The following PCDHA9 variants were observed in gnomAD, a reference collection of about 807,000 sequenced individuals.
The protein encoded by PCDHA9 is protocadherin alpha 9.
A neutral mutation model predicts 62.0 loss-of-function variants in PCDHA9; 62 were observed. The observed-to-expected ratio is 1.00, with a 90% CI of 0.81 to 1.23. The LOEUF is 1.23. Among genes scored for constraint, PCDHA9 ranks in the 50% most tolerant of loss-of-function variants. The pLI, the probability that PCDHA9 is intolerant of heterozygous loss-of-function variation, is 0.00. For missense variants in PCDHA9, 1,205 were observed against 1,249.8 expected (o/e 0.96, Z 0.54); for synonymous variants, 557 against 567.6 (o/e 0.98, Z 0.27).
intron 1 of PCDHA9, among the ~76,000 whole-genome samples, chr5:140,949,308 G>T (rs1323575169): frequency 6.6e-6 from 1 of 151,722 alleles, no homozygotes; most frequent in African/African-American, 2.4e-5. Flanking sequence ...TGGGTGTAAT[G>T]ATTTATAAAT....
chr5:140,927,290 T>A (rs1563090312), intron 1 of PCDHA9: 2 of 1,614,054 alleles, frequency 1.2e-6, no homozygotes, highest in Admixed American at 1.7e-5. Context: ...CAGCTGCACA[T>A]CCCCGAGTTC....
chr5:140,962,855 G>A (rs556272423), intron 1 of PCDHA9, among the ~76,000 whole-genome samples: 286 of 152,196 alleles, frequency 1.9e-3, no homozygotes, highest in Admixed American at 3.8e-3. Context: ...CTTGTGCTCG[G>A]TTTGTAGAGC....
intron 1 of PCDHA9, among the ~76,000 whole-genome samples, chr5:140,888,353 A>G (rs907810387): frequency 1.9e-4 from 29 of 152,220 alleles, no homozygotes; most frequent in African/African-American, 6.8e-4. Context: ...GGGAATTGCT[A>G]CTGGCATCTA....
At chr5:140,989,329 C>A (rs1554250749) in intron 3 of PCDHA9, among the ~76,000 whole-genome samples, 2 of 152,120 alleles carry the variant, frequency 1.3e-5, no homozygotes, top group African/African-American at 4.8e-5. Context: ...AACTTTGCCA[C>A]CTGACTCAGC....
chr5:140,997,565 A>T (rs552009994), intron 3 of PCDHA9, among the ~76,000 whole-genome samples: 1 of 152,174 alleles, frequency 6.6e-6, no homozygotes, highest in Non-Finnish European at 1.5e-5. Context: ...CAACTGTCAT[A>T]TGTGTGGTCC....
chr5:141,010,225 C>T lies in PCDHA9; in HGVS notation c.*288C>T. The T allele has an allele frequency of 6.4e-7, 1 of 1,551,848 alleles. No homozygotes were observed. The highest frequency in any genetic ancestry group is 8.7e-7 in the Non-Finnish European group (1 of 1,147,026). The stretch of plus-strand genomic sequence containing the variant: ...CCGCCGCAAAGGAGAGGCTTCCCAG[C>T]CCCGCCAGTGAGAGGTTGGACTCTC... On this transcript the variant is annotated 3_prime_UTR_variant, in exon 4 of 4. Coordinates refer to ENST00000532602, the MANE Select transcript of PCDHA9 (RefSeq NM_031857.2).
At chr5:140,975,120 C>CT (rs140169299) in intron 1 of PCDHA9, among the ~76,000 whole-genome samples, 5 of 152,258 alleles carry the variant, frequency 3.3e-5, no homozygotes, top group African/African-American at 1.2e-4. Flanking sequence ...TGTTTTCCTA[C>CT]TTACTATTGG....
intron 1 of PCDHA9, among the ~76,000 whole-genome samples, chr5:140,902,520 T>C (rs1350068201): frequency 6.6e-6 from 1 of 152,116 alleles, no homozygotes; most frequent in Non-Finnish European, 1.5e-5. Context: ...TATATGGTTT[T>C]TATTATGTTG....
intron 1 of PCDHA9, chr5:140,929,617 A>C: frequency 2.5e-6 from 1 of 401,992 alleles, no homozygotes; most frequent in Non-Finnish European, 4.5e-6. Context: ...AAATACCAAA[A>C]TATTTTATAA....
Position 140,856,390 on chromosome 5 carries a change from G to A in PCDHA9, c.2394+5501G>A, listed in dbSNP as rs2043967931. On this transcript the variant is annotated intron_variant, in intron 1 of 3. Coordinates refer to ENST00000532602, the MANE Select transcript of PCDHA9 (RefSeq NM_031857.2). ...AGGTGATCGTGGACAGGCCGCTGCA[G>A]GTTTTCCATGTGGACGTGGAAGTGA... is the stretch of plus-strand genomic sequence containing the variant. 3 of 1,598,440 alleles carry A rather than the reference G, an allele frequency of 1.9e-6. 1 individual carries two copies. The highest frequency in any genetic ancestry group is 2.6e-6 in the Non-Finnish European group (3 of 1,167,994).
At chr5:141,004,213 GGTCA>G (rs3842022) in intron 3 of PCDHA9, among the ~76,000 whole-genome samples, 2 of 152,208 alleles carry the variant, frequency 1.3e-5, no homozygotes, top group East Asian at 3.8e-4. Context: ...CAGATTAGGA[GGTCA>G]GTCAGTGTTT....
chr5:140,986,736 A>C (rs1056820843), intron 3 of PCDHA9, among the ~76,000 whole-genome samples: 1 of 152,206 alleles, frequency 6.6e-6, no homozygotes, highest in South Asian at 2.1e-4. Context: ...TCAAGACCCC[A>C]GGGGATCTGG....
intron 1 of PCDHA9, among the ~76,000 whole-genome samples, chr5:140,873,178 T>C (rs2054146585): frequency 6.6e-6 from 1 of 152,190 alleles, no homozygotes; most frequent in Non-Finnish European, 1.5e-5. Context: ...TTTTGTATCA[T>C]AATATTCATT....
chr5:140,946,142 CAAAT>C (rs1214309556), intron 1 of PCDHA9, among the ~76,000 whole-genome samples: 1 of 151,910 alleles, frequency 6.6e-6, no homozygotes, highest in Non-Finnish European at 1.5e-5. Context: ...AGTAAGAAAA[CAAAT>C]AACACGATTT....
Position 140,852,727 on chromosome 5 carries a change from G to A in PCDHA9, c.2394+1838G>A, listed in dbSNP as rs1395858951. 8.1e-6 allele frequency: 8 copies of A among 983,412 alleles called. 1 individual carries two copies. The South Asian group carries it at 2.9e-4, about 35-fold the overall frequency. The allele number at this position is 983,412 out of a possible 1,614,324, so 60.9% of individuals were successfully genotyped here. The stretch of plus-strand genomic sequence containing the variant: ...ATCTTTGTCTTTGCACGTTTTTCAA[G>A]TTTCATGTGCCATTTAAACTTGGAC... On this transcript the variant is annotated intron_variant, in intron 1 of 3. Transcript: ENST00000532602.
intron 1 of PCDHA9, chr5:140,926,324 G>A (rs574950381): frequency 6.6e-6 from 1 of 152,268 alleles, no homozygotes; most frequent in Non-Finnish European, 1.5e-5. Flanking sequence ...GTGCGCCGGG[G>A]TCAGAGCGCC....
intron 1 of PCDHA9, among the ~76,000 whole-genome samples, chr5:140,950,918 G>C (rs1229704497): frequency 6.6e-6 from 1 of 151,584 alleles, no homozygotes; most frequent in African/African-American, 2.4e-5. Context: ...TTTTATTTCA[G>C]TTCTTTTTCT....
intron 1 of PCDHA9, among the ~76,000 whole-genome samples, chr5:140,952,745 A>G (rs1554220592): frequency 6.6e-6 from 1 of 152,220 alleles, no homozygotes; most frequent in African/African-American, 2.4e-5. Context: ...TCACACTGCT[A>G]TAAAAACACC....
chr5:140,918,175 CT>C (rs1429626043), intron 1 of PCDHA9, among the ~76,000 whole-genome samples: 2 of 152,076 alleles, frequency 1.3e-5, no homozygotes, highest in Non-Finnish European at 2.9e-5. Context: ...GCATTGTGTT[CT>C]TGATTTGGCC....
Sources: gnomAD v4.1 joint callset for allele counts (sites outside exome capture counted in the v4.1 genomes callset) on GRCh38, gnomAD v4.1.1 for gene constraint, MANE v1.5 for transcripts, NCBI Gene and HGNC (gene_info 2026-07-23, HGNC 2026-07-21) for gene names.